C1orf87: variants seen among roughly 807,000 people sequenced by gnomAD.
C1orf87 encodes uncharacterized protein C1orf87.
C1orf87 carries 58 observed loss-of-function variants against 60.5 expected under a neutral mutation model. The ratio of observed to expected loss-of-function variants is 0.96; its 90% confidence interval spans 0.78 to 1.19. C1orf87 has a LOEUF of 1.19. Ranked by LOEUF, C1orf87 falls within the 50% of genes most tolerant of loss-of-function variation. The pLI, the probability that C1orf87 is intolerant of heterozygous loss-of-function variation, is 0.00. For missense variants in C1orf87, 673 were observed against 638.6 expected, an observed-to-expected ratio of 1.05 and a Z score of -0.58; for synonymous variants, 236 against 227.4, an observed-to-expected ratio of 1.04 and a Z score of -0.34.
At chr1:60,036,592 C>A (rs1364269787) in intron 6 of C1orf87, among the ~76,000 whole-genome samples, 1 of 152,014 alleles carries the variant, frequency 6.6e-6, no homozygotes, top group African/African-American at 2.4e-5. Flanking sequence ...TGTATCATGC[C>A]CATTTTACAG....
chr1:60,043,324 T>C (rs1037269768), intron 3 of C1orf87, among the ~76,000 whole-genome samples: 1 of 152,124 alleles, frequency 6.6e-6, no homozygotes, highest in Non-Finnish European at 1.5e-5. Flanking sequence ...GATATTTGAA[T>C]CCTGCTTTTC....
chr1:60,033,617 T>G lies in C1orf87; in HGVS notation c.888A>C (p.Ser296=). The change falls in exon 7 of 12, where the codon TCA becomes TCC. Residue 296 remains serine, a synonymous_variant. Transcript: ENST00000371201. ...ACAGACTCCTGTTCACTTCTGGCTG[T>G]GAGCTGGAGTGCTGAGGTGGAGTGC... ...SQSTPPQHSS[S]QPEVNRSLLE... 1 of 1,613,076 alleles carries G rather than the reference T, an allele frequency of 6.2e-7. No individual in the cohort carries two copies. Among genetic ancestry groups the G allele is most frequent in the African/African-American group, 1.3e-5 (1 of 75,040 alleles).
intron 11 of C1orf87, among the ~76,000 whole-genome samples, chr1:59,996,558 T>A (rs767912254): frequency 5.3e-5 from 8 of 152,164 alleles, no homozygotes; most frequent in Non-Finnish European, 1.0e-4. Flanking sequence ...TTTATTTCCA[T>A]CTTTATCATT....
In C1orf87 at chr1:59,990,807, G is replaced by C. The variant is rs199869889; in HGVS notation, c.1507C>G (p.Arg503Gly). 1.2e-6 allele frequency: 2 copies of C among 1,613,890 alleles called. No homozygotes were observed. Among genetic ancestry groups the C allele is most frequent in the Admixed American group, 3.3e-5 (2 of 59,994 alleles). ...TGVLEKERAR[R>G]LIHNYNLIYN... ...ATGAGATTGTAGTTGTGAATGAGGC[G>C]TCTGGCTCGTTCCTTCTCCAGAACT... is the stretch of plus-strand genomic sequence containing the variant. The change falls in exon 12 of 12, where the codon CGC (arginine) becomes GGC (glycine). Residue 503 changes from arginine (R) to glycine (G), a missense_variant. Transcript: ENST00000371201.
chr1:60,051,225 G>C (rs1294347436), intron 3 of C1orf87, among the ~76,000 whole-genome samples: 1 of 152,142 alleles, frequency 6.6e-6, no homozygotes, highest in African/African-American at 2.4e-5. Context: ...TTTTATACCA[G>C]GGAATTGGGA....
intron 11 of C1orf87, among the ~76,000 whole-genome samples, chr1:59,994,294 G>A (rs988361026): frequency 2.6e-5 from 4 of 151,390 alleles, no homozygotes; most frequent in African/African-American, 4.9e-5. Context: ...AAGCAAAATC[G>A]TGTGCTCTTT....
chr1:60,044,177 C>T (rs1052045038), intron 3 of C1orf87, among the ~76,000 whole-genome samples: 3 of 152,120 alleles, frequency 2.0e-5, no homozygotes, highest in Admixed American at 2.0e-4. Flanking sequence ...CTACAGGCGC[C>T]CGCCACCATG....
At chr1:60,031,859 G>T (rs2100284725) in intron 7 of C1orf87, among the ~76,000 whole-genome samples, 1 of 152,174 alleles carries the variant, frequency 6.6e-6, no homozygotes, top group African/African-American at 2.4e-5. Flanking sequence ...AGAATTTTTA[G>T]ACTAAGAGTC....
intron 5 of C1orf87, among the ~76,000 whole-genome samples, chr1:60,039,145 T>C (rs1351926531): frequency 1.3e-5 from 2 of 152,164 alleles, no homozygotes; most frequent in Admixed American, 6.6e-5. Flanking sequence ...AGGACTTAAG[T>C]AGAGTATGCT....
rs1333575955 is a variant in C1orf87, at chr1:59,997,733, G to A, written c.1356C>T (p.Ile452=). 14 of 1,613,852 alleles carry A rather than the reference G, an allele frequency of 8.7e-6. No homozygotes were observed. The highest frequency in any genetic ancestry group is 8.3e-5 in the Admixed American group (5 of 59,976). ...TCACGAAGGGCTGGGAGACTGGCCTGATCTTTAAAGGTTTCAGAGGATCTT... is the reference window on the plus strand; with the variant it reads ...TCACGAAGGGCTGGGAGACTGGCCTAATCTTTAAAGGTTTCAGAGGATCTT... ...ACKDPLKPLK[I]RPVSQPFVNP... The change falls in exon 11 of 12, where the codon ATC becomes ATT. Residue 452 remains isoleucine (I), a synonymous_variant. Transcript: ENST00000371201.
intron 2 of C1orf87, among the ~76,000 whole-genome samples, chr1:60,058,388 A>G (rs1645471739): frequency 6.6e-6 from 1 of 152,334 alleles, no homozygotes; most frequent in South Asian, 2.1e-4. Flanking sequence ...ATAAAGTATT[A>G]AATTGGTATA....
chr1:60,064,884 AAAT>A lies in C1orf87; in HGVS notation c.107+7650_107+7652del, dbSNP rs1645530712. Among the ~76,000 whole-genome samples, 3 of 93,244 alleles carry A rather than the reference AAAT, an allele frequency of 3.2e-5. No homozygotes were observed. In the South Asian group the frequency reaches 9.1e-4, roughly 28 times the overall value. 61.2% of individuals were successfully genotyped at this position (93,244 alleles called of 152,430 possible). On this transcript the variant is annotated intron_variant, in intron 2 of 11. Coordinates refer to ENST00000371201, the MANE Select transcript of C1orf87 (RefSeq NM_152377.3). ...TTATATATAAATATATATTTGTTCT[AAAT>A]AAATATATATTCTAAATATATAATA...
At chr1:60,036,524 G>A (rs1645278301) in intron 6 of C1orf87, among the ~76,000 whole-genome samples, 1 of 152,136 alleles carries the variant, frequency 6.6e-6, no homozygotes. Context: ...ACCAGGCACT[G>A]ATTTTTGGAA....
At chr1:60,065,148 G>GA (rs1217807308) in intron 2 of C1orf87, among the ~76,000 whole-genome samples, 8 of 136,136 alleles carry the variant, frequency 5.9e-5, no homozygotes, top group African/African-American at 1.1e-4. Flanking sequence ...TATACAAAAA[G>GA]AAAAAAAAAT....
intron 11 of C1orf87, 52 bp from the exon 12 acceptor site, chr1:59,990,885 A>T (rs1557451368): frequency 6.4e-7 from 1 of 1,557,468 alleles, no homozygotes; most frequent in Non-Finnish European, 8.8e-7. Context: ...TGGAGGGAAA[A>T]CAGAGAAAAC....
intron 8 of C1orf87, among the ~76,000 whole-genome samples, chr1:60,014,058 C>T (rs1323924990): frequency 6.6e-6 from 1 of 152,112 alleles, no homozygotes; most frequent in East Asian, 1.9e-4. Flanking sequence ...ATATTTTTCC[C>T]CTTACCACCT....
intron 2 of C1orf87, among the ~76,000 whole-genome samples, chr1:60,059,534 CAG>C (rs547602109): frequency 4.3e-4 from 66 of 152,270 alleles, no homozygotes; most frequent in Middle Eastern, 3.4e-3. Context: ...CATTAGAGCA[CAG>C]AGTCTCAGGG....
In C1orf87 at chr1:60,024,396, G is replaced by A. The variant is rs1574306814; in HGVS notation, c.1127+1005C>T. Among the ~76,000 whole-genome samples, 7 of 152,270 alleles carry A rather than the reference G, an allele frequency of 4.6e-5. No homozygotes were observed. In the South Asian group the frequency reaches 1.5e-3, roughly 32 times the overall value. On this transcript the variant is annotated intron_variant, in intron 8 of 11. Coordinates refer to ENST00000371201, the MANE Select transcript of C1orf87 (RefSeq NM_152377.3). Reference sequence around the variant, plus strand: ...AAGGTTTCTACTCAATGCCGTATGTGTTACGAGGTCTGCCTCACTAGCTGG... The same window carrying A: ...AAGGTTTCTACTCAATGCCGTATGTATTACGAGGTCTGCCTCACTAGCTGG...
intron 2 of C1orf87, among the ~76,000 whole-genome samples, chr1:60,070,208 ACC>A (rs1411105769): frequency 6.6e-6 from 1 of 152,172 alleles, no homozygotes; most frequent in Non-Finnish European, 1.5e-5. Flanking sequence ...CTAAAAGGCT[ACC>A]TTCAAGTCTG....
Sources: allele counts gnomAD v4.1 joint callset (sites outside exome capture counted in the v4.1 genomes callset), GRCh38; gene constraint gnomAD v4.1.1; transcripts MANE v1.5; gene names NCBI Gene and HGNC (gene_info 2026-07-23, HGNC 2026-07-21).